The following PLCG2 variants were observed in gnomAD, a reference collection of about 807,000 sequenced individuals.
PLCG2 encodes 1-phosphatidylinositol 4,5-bisphosphate phosphodiesterase gamma-2.
PLCG2 carries 69 observed loss-of-function variants against 175.6 expected under a neutral mutation model. The ratio of observed to expected loss-of-function variants is 0.39; its 90% CI spans 0.32 to 0.48. The LOEUF is 0.48. Ranked by LOEUF, PLCG2 falls within the 20% of genes least tolerant of loss-of-function variation. PLCG2 has a pLI of 0.91. For synonymous variants in PLCG2, 827 were observed against 624.0 expected (o/e 1.33, Z -4.85); for missense variants, 1,798 against 1,650.9 (o/e 1.09, Z -1.54).
rs749409701 is a variant in PLCG2, at chr16:81,910,735, G to T, written c.1934+15G>T. The T allele has an allele frequency of 6.2e-7, 1 of 1,603,760 alleles. No individual in the cohort carries two copies. Among genetic ancestry groups the T allele is most frequent in the South Asian group, 1.1e-5 (1 of 91,038 alleles). On this transcript the variant is annotated intron_variant, in intron 18 of 32. Coordinates refer to ENST00000564138, the MANE Select transcript of PLCG2 (RefSeq NM_002661.5). ...GAGTCCAAGCCGTACGTGTCTGAGG[G>T]TGGAGCAGGAGGCAGGCGGTGGTCG...
At chr16:81,896,573 G>A (rs1038680389) in intron 13 of PLCG2, among the ~76,000 whole-genome samples, 1 of 151,912 alleles carries the variant, frequency 6.6e-6, no homozygotes, top group Non-Finnish European at 1.5e-5. Context: ...GCGAGACCCT[G>A]TCTCAAAGGA....
intron 31 of PLCG2, among the ~76,000 whole-genome samples, chr16:81,956,294 T>C (rs149311272): frequency 3.4e-3 from 512 of 152,332 alleles, no homozygotes; most frequent in Middle Eastern, 0.01. Flanking sequence ...AGTTCTCATG[T>C]CATGCTGTTT....
intron 2 of PLCG2, among the ~76,000 whole-genome samples, chr16:81,767,197 T>C (rs1389684299): frequency 7.6e-6 from 1 of 132,150 alleles, no homozygotes; most frequent in African/African-American, 2.9e-5. Context: ...CACGCTGGAG[T>C]GCAGTGGTGC....
intron 5 of PLCG2, among the ~76,000 whole-genome samples, chr16:81,863,927 C>A (rs1907103956): frequency 2.6e-5 from 4 of 152,168 alleles, no homozygotes; most frequent in Admixed American, 2.6e-4. Context: ...TGCAAATAGG[C>A]TTCCTATTTG....
intron 27 of PLCG2, 51 bp from the exon 28 acceptor site, chr16:81,937,707 G>A: frequency 6.4e-7 from 1 of 1,571,440 alleles, no homozygotes; most frequent in Non-Finnish European, 8.7e-7. Context: ...TGGCCTAGGG[G>A]GCCAGCGTGC....
chr16:81,940,789 A>T (rs1910908437), intron 30 of PLCG2, among the ~76,000 whole-genome samples: 1 of 152,196 alleles, frequency 6.6e-6, no homozygotes, highest in Admixed American at 6.5e-5. Flanking sequence ...AAACAAAAAA[A>T]ACTGGCTCTC....
At position 81,938,908 on chromosome 16, in the gene PLCG2, G is replaced by A. The variant is rs372282607; in HGVS notation, c.3306G>A (p.Thr1102=). 106 of 1,596,160 alleles carry A rather than the reference G, an allele frequency of 6.6e-5. No homozygotes were observed. The highest frequency in any genetic ancestry group is 1.2e-4 in the Admixed American group (7 of 59,872). The change falls in exon 29 of 33, where the codon ACG becomes ACA. Residue 1102 remains threonine (T), a synonymous_variant. Coordinates refer to ENST00000564138, the MANE Select transcript of PLCG2 (RefSeq NM_002661.5). ...AEYDNNKFKT[T]VVNDNGLSPI... ...ATGACAACAACAAGTTCAAGACGAC[G>A]GTTGTGAGTAAGTCAGTCACCTTGG...
intron 2 of PLCG2, among the ~76,000 whole-genome samples, chr16:81,815,383 A>G (rs754889225): frequency 1.3e-5 from 2 of 152,186 alleles, no homozygotes; most frequent in Non-Finnish European, 2.9e-5. Flanking sequence ...TCTGATTCCC[A>G]GAGGTGAAGA....
intron 6 of PLCG2, among the ~76,000 whole-genome samples, chr16:81,869,583 T>G (rs1342606940): frequency 6.6e-6 from 1 of 152,234 alleles, no homozygotes; most frequent in Non-Finnish European, 1.5e-5. Flanking sequence ...CCTATTTCCC[T>G]GACCATACTG....
chr16:81,952,085 CCATAA>C (rs1911388743), intron 31 of PLCG2, among the ~76,000 whole-genome samples: 1 of 151,788 alleles, frequency 6.6e-6, no homozygotes, highest in Non-Finnish European at 1.5e-5. Flanking sequence ...CTGACAAAAA[CCATAA>C]CACATTTAGG....
chr16:81,919,971 C>T (rs1478484817), intron 20 of PLCG2, among the ~76,000 whole-genome samples: 1 of 152,154 alleles, frequency 6.6e-6, no homozygotes, highest in East Asian at 1.9e-4. Context: ...TTGAAGTTTT[C>T]AGAGGGTGGT....
At chr16:81,848,513 C>T (rs1046279913) in intron 2 of PLCG2, among the ~76,000 whole-genome samples, 1 of 152,180 alleles carries the variant, frequency 6.6e-6, no homozygotes, top group Non-Finnish European at 1.5e-5. Flanking sequence ...TTGCATTTCT[C>T]TCCCTCCTTG....
chr16:81,931,152 G>A (rs1007411815), intron 24 of PLCG2: 1 of 166,014 alleles, frequency 6.0e-6, no homozygotes, highest in Admixed American at 6.4e-5. Flanking sequence ...TCTCTTATAA[G>A]GATACTCATA....
intron 1 of PLCG2, chr16:81,783,013 C>T (rs558184545): frequency 2.3e-6 from 1 of 427,394 alleles, no homozygotes; most frequent in African/African-American, 2.1e-5. Context: ...TGAGTTGATC[C>T]ACTGGGCTTC....
At chr16:81,929,841 G>A (rs75401901) in intron 24 of PLCG2, among the ~76,000 whole-genome samples, 1 of 152,240 alleles carries the variant, frequency 6.6e-6, no homozygotes, top group Non-Finnish European at 1.5e-5. Context: ...CCTTTGGGCA[G>A]GGGGGTGCAG....
At chr16:81,778,055 C>CAAAACAAACAAACAAA (rs1910517004), upstream of PLCG2, among the ~76,000 whole-genome samples, 4 of 56,768 alleles carry the variant, frequency 7.0e-5, no homozygotes, top group African/African-American at 3.3e-4. Context: ...AAAAAAAAAA[C>CAAAACAAACAAACAAA]AAAAAAAACC....
intron 2 of PLCG2, among the ~76,000 whole-genome samples, chr16:81,770,680 A>C (rs1054021985): frequency 1.3e-5 from 2 of 152,180 alleles, no homozygotes; most frequent in Admixed American, 1.3e-4. Flanking sequence ...AGATTGCGCC[A>C]CTGCCCTCCT....
At chr16:81,789,389 C>CAA (rs1911125197) in intron 2 of PLCG2, among the ~76,000 whole-genome samples, 2 of 152,196 alleles carry the variant, frequency 1.3e-5, no homozygotes, top group South Asian at 4.1e-4. Context: ...CTCCTGGGCT[C>CAA]AAGTGATCCT....
At chr16:81,926,998 G>A in intron 22 of PLCG2, 84 bp from the exon 23 acceptor site, 1 of 850,706 alleles carries the variant, frequency 1.2e-6, no homozygotes, top group Non-Finnish European at 2.0e-6. Flanking sequence ...TCAGAATTGA[G>A]CCAGCAGCCG....
Sources: allele counts gnomAD v4.1 joint callset (sites outside exome capture counted in the v4.1 genomes callset), GRCh38; gene constraint gnomAD v4.1.1; transcripts MANE v1.5; gene names NCBI Gene and HGNC (gene_info 2026-07-23, HGNC 2026-07-21).